GABRA4: variants seen among roughly 807,000 people sequenced by gnomAD.
GABRA4 encodes gamma-aminobutyric acid type A receptor subunit alpha4.
In GABRA4, 12 loss-of-function variants were observed where a neutral mutation model predicts 49.7. The ratio of observed to expected loss-of-function variants is 0.24; its 90% CI spans 0.15 to 0.39. The LOEUF (loss-of-function observed/expected upper bound fraction) is 0.39, where lower values mean the gene tolerates loss of function less well. Ranked by LOEUF, GABRA4 falls within the 10% of genes least tolerant of loss-of-function variation. The pLI, the probability that GABRA4 is intolerant of heterozygous loss-of-function variation, is 1.00. For synonymous variants in GABRA4, 288 were observed against 240.2 expected, an observed-to-expected ratio of 1.20 and a Z score of -1.84; for missense variants, 506 against 686.0, an observed-to-expected ratio of 0.74 and a Z score of 2.93.
At chr4:46,970,710 T>C (rs922003160) in intron 7 of GABRA4, among the ~76,000 whole-genome samples, 1 of 94,904 alleles carries the variant, frequency 1.1e-5, no homozygotes, top group African/African-American at 3.7e-5. Context: ...CCATGACTTT[T>C]ATTTGTTTTA....
In GABRA4 at chr4:46,921,426, T is replaced by C. The variant is rs1721028653; in HGVS notation, c.*6799A>G. The C allele has an allele frequency of 6.6e-6, 1 of 152,004 alleles. No homozygotes were observed. Among genetic ancestry groups the C allele is most frequent in the Non-Finnish European group, 1.5e-5 (1 of 67,930 alleles). 9.4% of individuals were successfully genotyped at this position (152,004 alleles called of 1,614,324 possible). A position where few individuals can be genotyped will look rare whatever the true frequency, so the allele number is the denominator to read the frequency against. On this transcript the variant is annotated 3_prime_UTR_variant, in exon 9 of 9. Coordinates refer to ENST00000264318, the MANE Select transcript of GABRA4 (RefSeq NM_000809.4). ...GCAATCTCAGAGGAAAACTCTGGGA[T>C]TCCCCTATAGAAACTAAAGAAGCTT...
chr4:46,944,734 C>T (rs1168760055), intron 8 of GABRA4, among the ~76,000 whole-genome samples: 1 of 151,960 alleles, frequency 6.6e-6, no homozygotes, highest in Non-Finnish European at 1.5e-5. Flanking sequence ...ATTCTGACAC[C>T]CCACCACCCT....
Position 46,964,979 on chromosome 4 carries a change from G to C in GABRA4, c.1125C>G (p.Ala375=), listed in dbSNP as rs1296444113. ...APVQREKHPE[A]PLQNTNANLN... The stretch of plus-strand genomic sequence containing the variant: ...GGATTAAGTCAAATACCTGCAGAGG[G>C]GCTTCAGGATGCTTCTCTCTCTGCA... Residue 375 remains alanine (A), a synonymous_variant, in exon 8 of 9, where the codon GCC becomes GCG. Transcript: ENST00000264318. The C allele has an allele frequency of 1.1e-5, 18 of 1,597,872 alleles. No individual in the cohort carries two copies. The highest frequency in any genetic ancestry group is 1.5e-5 in the Non-Finnish European group (17 of 1,171,168).
At chr4:46,985,355 AG>A (rs1723495026) in intron 2 of GABRA4, among the ~76,000 whole-genome samples, 1 of 152,022 alleles carries the variant, frequency 6.6e-6, no homozygotes, top group Non-Finnish European at 1.5e-5. Flanking sequence ...GAGTTGTCCA[AG>A]TCCTACACTT....
At chr4:46,988,950 T>C (rs1368656577) in intron 2 of GABRA4, among the ~76,000 whole-genome samples, 1 of 152,232 alleles carries the variant, frequency 6.6e-6, no homozygotes. Context: ...AGAATGATGA[T>C]GTCTGCCTTA....
At chr4:46,986,929 T>C (rs1045676835) in intron 2 of GABRA4, among the ~76,000 whole-genome samples, 3 of 152,134 alleles carry the variant, frequency 2.0e-5, no homozygotes, top group Admixed American at 6.6e-5. Context: ...CTTATAAATT[T>C]ACAAACTTCT....
At chr4:46,965,617 C>T (rs1722728020) in intron 7 of GABRA4, among the ~76,000 whole-genome samples, 1 of 151,722 alleles carries the variant, frequency 6.6e-6, no homozygotes, top group African/African-American at 2.4e-5. Context: ...TCAACAGACA[C>T]ACACCTCTCA....
chr4:46,959,168 T>TG (rs1473492927), intron 8 of GABRA4, among the ~76,000 whole-genome samples: 2 of 151,980 alleles, frequency 1.3e-5, no homozygotes, highest in African/African-American at 4.8e-5. Flanking sequence ...AATTTTGATG[T>TG]GTTCTTAATC....
At chr4:46,957,358 T>C (rs1722401802) in intron 8 of GABRA4, among the ~76,000 whole-genome samples, 1 of 151,966 alleles carries the variant, frequency 6.6e-6, no homozygotes, top group Non-Finnish European at 1.5e-5. Context: ...TTAAGGAGTC[T>C]AAGCAGAGAA....
chr4:46,977,320 G>C, intron 4 of GABRA4, 90 bp downstream of exon 4: 1 of 719,712 alleles, frequency 1.4e-6, no homozygotes, highest in Admixed American at 3.0e-5. Flanking sequence ...GAGGGAGGAA[G>C]GGAGGGAGGA....
At chr4:46,936,586 A>AGTAAAATCCAGAAAGTGGTCATCAGG (rs1485610159) in intron 8 of GABRA4, among the ~76,000 whole-genome samples, 1 of 152,192 alleles carries the variant, frequency 6.6e-6, no homozygotes, top group Non-Finnish European at 1.5e-5. Flanking sequence ...ACCAACTATC[A>AGTAAAATCCAGAAAGTGGTCATCAGG]GTAAAATCCA....
At position 46,925,876 on chromosome 4, in the gene GABRA4, T is replaced by A. The variant is rs368555135; in HGVS notation, c.*2349A>T. 1 of 151,522 alleles carries A rather than the reference T, an allele frequency of 6.6e-6. No individual in the cohort carries two copies. The highest frequency in any genetic ancestry group is 2.4e-5 in the African/African-American group (1 of 41,422). The allele number at this position is 151,522 out of a possible 1,614,324, so 9.4% of individuals were successfully genotyped here. A position where few individuals can be genotyped will look rare whatever the true frequency, so the allele number is the denominator to read the frequency against. ...AAGAATCCTTGGTTAATTCTGTCCTTTCTCATTCTTTGGCCACATGATGTA... is the reference window on the plus strand; with the variant it reads ...AAGAATCCTTGGTTAATTCTGTCCTATCTCATTCTTTGGCCACATGATGTA... On this transcript the variant is annotated 3_prime_UTR_variant, in exon 9 of 9. Coordinates refer to ENST00000264318, the MANE Select transcript of GABRA4 (RefSeq NM_000809.4).
chr4:46,949,076 G>C (rs777694287), intron 8 of GABRA4, among the ~76,000 whole-genome samples: 5 of 152,028 alleles, frequency 3.3e-5, no homozygotes, highest in Non-Finnish European at 7.4e-5. Flanking sequence ...ATAAAGACTT[G>C]AGATCCTTCT....
chr4:46,974,661 G>T (rs1723074325), intron 5 of GABRA4, among the ~76,000 whole-genome samples: 1 of 151,876 alleles, frequency 6.6e-6, no homozygotes, highest in Admixed American at 6.6e-5. Context: ...TGCTACATAT[G>T]CATGAATACA....
At chr4:46,932,501 G>A (rs1721473047) in intron 8 of GABRA4, among the ~76,000 whole-genome samples, 1 of 151,938 alleles carries the variant, frequency 6.6e-6, no homozygotes, top group South Asian at 2.1e-4. Context: ...TACAAGACTT[G>A]GACATCAGAA....
chr4:46,924,705 T>A lies in GABRA4; in HGVS notation c.*3520A>T, dbSNP rs1156271582. ...CCTTAGTTTGAAGCAAGCAATGAAC[T>A]TAAAGTAATCAAGCAGTAGAACTAA... On this transcript the variant is annotated 3_prime_UTR_variant, in exon 9 of 9. Coordinates refer to ENST00000264318, the MANE Select transcript of GABRA4 (RefSeq NM_000809.4). The A allele has an allele frequency of 6.6e-6, 1 of 152,024 alleles. No individual in the cohort carries two copies. Among genetic ancestry groups the A allele is most frequent in the Non-Finnish European group, 1.5e-5 (1 of 67,938 alleles). The allele number at this position is 152,024 out of a possible 1,614,324, so 9.4% of individuals were successfully genotyped here. A position where few individuals can be genotyped will look rare whatever the true frequency, so the allele number is the denominator to read the frequency against.
intron 7 of GABRA4, among the ~76,000 whole-genome samples, chr4:46,969,688 T>C (rs1322309592): frequency 6.6e-6 from 1 of 151,502 alleles, no homozygotes; most frequent in Non-Finnish European, 1.5e-5. Context: ...ACTTTTTAAA[T>C]CCTCACTAGT....
At chr4:46,956,498 A>G (rs1722368381) in intron 8 of GABRA4, among the ~76,000 whole-genome samples, 1 of 151,562 alleles carries the variant, frequency 6.6e-6, no homozygotes, top group African/African-American at 2.4e-5. Flanking sequence ...ATAGCCAACT[A>G]CTCTTTCCTT....
chr4:46,937,065 G>C (rs1370346009), intron 8 of GABRA4, among the ~76,000 whole-genome samples: 1 of 152,208 alleles, frequency 6.6e-6, no homozygotes, highest in Admixed American at 6.5e-5. Context: ...AGACCTTTAA[G>C]GAGGTGGTTA....
Sources: gnomAD v4.1 joint callset for allele counts (sites outside exome capture counted in the v4.1 genomes callset) on GRCh38, gnomAD v4.1.1 for gene constraint, MANE v1.5 for transcripts, NCBI Gene and HGNC (gene_info 2026-07-23, HGNC 2026-07-21) for gene names.